Variants in DLGAP2 observed in about 807,000 individuals in gnomAD.
DLGAP2 encodes the protein disks large-associated protein 2.
A neutral mutation model predicts 100.3 loss-of-function variants in DLGAP2; 26 were observed. The observed-to-expected ratio is 0.26, with a 90% CI of 0.19 to 0.36. The LOEUF is 0.36. Among genes scored for constraint, DLGAP2 ranks in the 10% least tolerant of loss-of-function variants. DLGAP2 has a pLI of 1.00. For missense variants in DLGAP2, 1,858 were observed against 1,453.2 expected (o/e 1.28, Z -4.53); for synonymous variants, 886 against 630.1 (o/e 1.41, Z -6.08).
chr8:874,264 CT>C (rs1420921859), intron 1 of DLGAP2, among the ~76,000 whole-genome samples: 1 of 151,060 alleles, frequency 6.6e-6, no homozygotes, highest in African/African-American at 2.4e-5. Context: ...GTTTGTTCTT[CT>C]TTTTCCAGTA....
chr8:1,580,295 C>T (rs991411527), intron 6 of DLGAP2, among the ~76,000 whole-genome samples: 2 of 152,082 alleles, frequency 1.3e-5, no homozygotes, highest in African/African-American at 2.4e-5. Context: ...AAGAAAGAGG[C>T]AGAGGGAAAG....
intron 2 of DLGAP2, among the ~76,000 whole-genome samples, chr8:1,135,152 A>G (rs952872519): frequency 6.6e-6 from 1 of 152,126 alleles, no homozygotes; most frequent in Non-Finnish European, 1.5e-5. Flanking sequence ...TTTTGCTGCT[A>G]TTGGTTACAT....
rs796848370 is a variant in DLGAP2 at position 1,302,344 on chromosome 8, G to A, written c.106+43461G>A. On this transcript the variant is annotated intron_variant, in intron 3 of 14. Transcript: ENST00000637795. ...GAGCTCTGCTCCACACCTGGGACCG[G>A]ACTCGGAATTTTCTGTGAGTTCCCG... 6.1e-3 allele frequency: 505 copies of A among 83,338 alleles called. 17 individuals are homozygous for A. The highest frequency in any genetic ancestry group is 9.6e-3 in the Admixed American group (74 of 7,746). The allele number at this position is 83,338 out of a possible 1,614,324, so 5.2% of individuals were successfully genotyped here. A position where few individuals can be genotyped will look rare whatever the true frequency, so the allele number is the denominator to read the frequency against.
intron 1 of DLGAP2, among the ~76,000 whole-genome samples, chr8:848,423 G>A (rs1309257316): frequency 1.2e-5 from 1 of 86,250 alleles, no homozygotes; most frequent in African/African-American, 4.3e-5. Context: ...GCCTGTTCCA[G>A]TGTAGGGTCG....
At chr8:1,453,104 G>A (rs191308827) in intron 3 of DLGAP2, among the ~76,000 whole-genome samples, 11 of 152,098 alleles carry the variant, frequency 7.2e-5, no homozygotes, top group Admixed American at 6.5e-4. Context: ...TTGTAGAGGA[G>A]ACTGCTCGGG....
At chr8:1,084,411 G>A (rs1293637400) in intron 2 of DLGAP2, among the ~76,000 whole-genome samples, 2 of 152,006 alleles carry the variant, frequency 1.3e-5, no homozygotes, top group Non-Finnish European at 2.9e-5. Context: ...ATTTACTCTT[G>A]GCAATATTTA....
intron 4 of DLGAP2, among the ~76,000 whole-genome samples, chr8:1,505,193 C>T (rs150782856): frequency 1.1e-4 from 16 of 152,076 alleles, no homozygotes; most frequent in East Asian, 1.9e-4. Context: ...TTCCCAGTCA[C>T]GAATTTATGG....
intron 1 of DLGAP2, among the ~76,000 whole-genome samples, chr8:892,415 G>A (rs1329100965): frequency 1.3e-5 from 2 of 152,164 alleles, no homozygotes; most frequent in Non-Finnish European, 2.9e-5. Context: ...ATGAACCCTG[G>A]GGACACTATG....
intron 3 of DLGAP2, among the ~76,000 whole-genome samples, chr8:1,386,481 G>C (rs909758989): frequency 2.0e-5 from 3 of 152,174 alleles, no homozygotes; most frequent in Non-Finnish European, 4.4e-5. Context: ...AGAACCTGCA[G>C]AATTCCCTCC....
chr8:1,414,736 C>T (rs540559927), intron 3 of DLGAP2, among the ~76,000 whole-genome samples: 9 of 152,274 alleles, frequency 5.9e-5, no homozygotes, highest in Admixed American at 3.9e-4. Context: ...TGGCTGGGCA[C>T]GGTGGTGCAT....
At chr8:1,205,939 G>C (rs1194461981) in intron 2 of DLGAP2, among the ~76,000 whole-genome samples, 1 of 152,146 alleles carries the variant, frequency 6.6e-6, no homozygotes, top group Non-Finnish European at 1.5e-5. Context: ...GATCACTTGA[G>C]CCCAGGAGAG....
intron 10 of DLGAP2, among the ~76,000 whole-genome samples, chr8:1,675,022 G>T (rs1306249442): frequency 6.6e-6 from 1 of 152,188 alleles, no homozygotes; most frequent in Non-Finnish European, 1.5e-5. Flanking sequence ...TGACAGGAAG[G>T]CCAGGATCTT....
At chr8:824,583 T>G (rs1346325553) in intron 1 of DLGAP2, among the ~76,000 whole-genome samples, 2 of 151,904 alleles carry the variant, frequency 1.3e-5, no homozygotes, top group Admixed American at 6.6e-5. Flanking sequence ...CCCCTTGTCC[T>G]GGCCCCAGTC....
chr8:1,156,592 A>C (rs1289906823), intron 2 of DLGAP2, among the ~76,000 whole-genome samples: 1 of 150,676 alleles, frequency 6.6e-6, no homozygotes, highest in East Asian at 2.0e-4. Context: ...CCCCCAGCCC[A>C]GCGCCCCAGC....
At chr8:1,076,474 G>A (rs117509747) in intron 2 of DLGAP2, among the ~76,000 whole-genome samples, 7 of 152,234 alleles carry the variant, frequency 4.6e-5, no homozygotes, top group African/African-American at 1.7e-4. Flanking sequence ...TTGTGGAACA[G>A]GAGGCAGATC....
chr8:1,420,516 A>C (rs751967059), intron 3 of DLGAP2, among the ~76,000 whole-genome samples: 2 of 152,328 alleles, frequency 1.3e-5, no homozygotes, highest in African/African-American at 2.4e-5. Flanking sequence ...AACTCTATGC[A>C]TGTCACTATC....
At chr8:1,072,800 G>A (rs912122150) in intron 2 of DLGAP2, among the ~76,000 whole-genome samples, 7 of 152,216 alleles carry the variant, frequency 4.6e-5, no homozygotes, top group African/African-American at 1.7e-4. Context: ...TGTTAGGCAC[G>A]TACCTGGGGT....
At chr8:750,731 G>T (rs1336358292) in intron 1 of DLGAP2, among the ~76,000 whole-genome samples, 1 of 152,174 alleles carries the variant, frequency 6.6e-6, no homozygotes, top group Non-Finnish European at 1.5e-5. Context: ...AGCCCCCACG[G>T]CTCGCCGTCT....
chr8:997,769 G>T (rs1281410962), intron 2 of DLGAP2, among the ~76,000 whole-genome samples: 1 of 152,092 alleles, frequency 6.6e-6, no homozygotes, highest in Non-Finnish European at 1.5e-5. Flanking sequence ...GCGTTTTCTC[G>T]TGCATTTTCT....
Sources: gnomAD v4.1 joint callset for allele counts (sites outside exome capture counted in the v4.1 genomes callset) on GRCh38, gnomAD v4.1.1 for gene constraint, MANE v1.5 for transcripts, NCBI Gene and HGNC (gene_info 2026-07-23, HGNC 2026-07-21) for gene names.